The following ALG5 variants were observed in gnomAD, a reference collection of about 807,000 sequenced individuals.
The protein encoded by ALG5 is ALG5 dolichyl-phosphate beta-glucosyltransferase, also known as dolichyl-phosphate beta-glucosyltransferase.
A neutral mutation model predicts 51.8 loss-of-function variants in ALG5; 26 were observed. The ratio of observed to expected loss-of-function variants is 0.50; its 90% CI spans 0.37 to 0.70. ALG5 has a LOEUF of 0.70. ALG5 is among the 30% of genes least tolerant of loss of function. The pLI is 0.00. For missense variants in ALG5, 311 were observed against 399.3 expected (o/e 0.78, Z 1.88); for synonymous variants, 141 against 136.1 (o/e 1.04, Z -0.25).
At chr13:36,990,673 G>C (rs1455946275) in intron 4 of ALG5, among the ~76,000 whole-genome samples, 1 of 152,170 alleles carries the variant, frequency 6.6e-6, no homozygotes. Flanking sequence ...AAAAACTCCA[G>C]AATTTCATTC....
At chr13:36,966,680 A>G (rs955017516) in intron 7 of ALG5, among the ~76,000 whole-genome samples, 3 of 152,032 alleles carry the variant, frequency 2.0e-5, no homozygotes, top group Non-Finnish European at 4.4e-5. Context: ...CAGCTTCTTT[A>G]AGACACGATC....
At chr13:36,972,162 A>C (rs2058927058) in intron 6 of ALG5, 126 bp from the exon 7 acceptor site, 1 of 794,776 alleles carries the variant, frequency 1.3e-6, no homozygotes, top group Non-Finnish European at 1.9e-6. Flanking sequence ...AATCTTTTAA[A>C]GGTTTATTGA....
At chr13:36,954,751 C>T (rs1385075521) in intron 8 of ALG5, among the ~76,000 whole-genome samples, 2 of 152,146 alleles carry the variant, frequency 1.3e-5, no homozygotes, top group African/African-American at 4.8e-5. Flanking sequence ...TCTTTTCTTA[C>T]TCAGTTCCTG....
chr13:36,984,400 TTTTTC>T (rs756468476), intron 6 of ALG5, among the ~76,000 whole-genome samples: 20 of 152,252 alleles, frequency 1.3e-4, no homozygotes, highest in Non-Finnish European at 2.8e-4. Flanking sequence ...TGGCCTGTAA[TTTTTC>T]TTTTAATACC....
chr13:36,992,176 A>G (rs1286445457), intron 4 of ALG5, among the ~76,000 whole-genome samples: 1 of 152,202 alleles, frequency 6.6e-6, no homozygotes, highest in Non-Finnish European at 1.5e-5. Flanking sequence ...ATTGATAAAA[A>G]TGTCTAACAC....
chr13:36,956,545 C>T (rs547484210), intron 8 of ALG5, among the ~76,000 whole-genome samples: 29 of 152,210 alleles, frequency 1.9e-4, no homozygotes, highest in Non-Finnish European at 3.7e-4. Context: ...CACTGCAGCG[C>T]TGTTCACAAC....
intron 9 of ALG5, among the ~76,000 whole-genome samples, chr13:36,952,017 C>T (rs2058820199): frequency 6.6e-6 from 1 of 152,128 alleles, no homozygotes; most frequent in Admixed American, 6.5e-5. Flanking sequence ...GAACTCCTGA[C>T]CTTAGGTGAT....
Position 36,952,680 on chromosome 13 carries a change from A to G in ALG5, c.774-81T>C, listed in dbSNP as rs558287263. ...ATCTCTACCTTGGCATGTTTTAAAG[A>G]AGCTTACATGGCAGATATAAAGCTT... On this transcript the variant is annotated intron_variant, in intron 8 of 9. Coordinates refer to ENST00000239891, the MANE Select transcript of ALG5 (RefSeq NM_013338.5). The G allele has an allele frequency of 1.2e-5, 9 of 771,678 alleles. No individual in the cohort carries two copies. In the African/African-American group the frequency reaches 1.3e-4, roughly 11 times the overall value. 47.8% of individuals were successfully genotyped at this position (771,678 alleles called of 1,614,324 possible).
At chr13:36,969,457 C>A (rs1223810201) in intron 7 of ALG5, among the ~76,000 whole-genome samples, 3 of 150,742 alleles carry the variant, frequency 2.0e-5, no homozygotes, top group African/African-American at 7.3e-5. Context: ...CTTAAAAAAC[C>A]ATTAAATTAG....
At chr13:36,988,357 T>A (rs555660172) in intron 5 of ALG5, among the ~76,000 whole-genome samples, 1 of 152,336 alleles carries the variant, frequency 6.6e-6, no homozygotes, top group South Asian at 2.1e-4. Context: ...TGACACTGCA[T>A]CAATCCTACT....
intron 9 of ALG5, 23 bp from the exon 10 acceptor site, chr13:36,950,080 A>C (rs1418518580): frequency 1.4e-6 from 2 of 1,435,430 alleles, no homozygotes; most frequent in Admixed American, 1.8e-5. Flanking sequence ...AATAATTAAA[A>C]ACAAATTAGC....
intron 8 of ALG5, among the ~76,000 whole-genome samples, chr13:36,954,636 T>C (rs1419009930): frequency 6.6e-6 from 1 of 152,218 alleles, no homozygotes; most frequent in African/African-American, 2.4e-5. Flanking sequence ...AGTACTTCTA[T>C]ACAGAGCCTT....
At chr13:36,968,066 A>G in intron 7 of ALG5, 1 of 183,874 alleles carries the variant, frequency 5.4e-6, no homozygotes, top group Non-Finnish European at 1.2e-5. Flanking sequence ...TTTGATTTCT[A>G]ACATATTTAA....
In ALG5 at chr13:36,994,985, A is replaced by G; in HGVS notation, c.285+4T>C. ...ATATCATATTAAAAGAGAAAACATG[A>G]TACCTGTCTCTTCTCTAGATAGCTC... On this transcript the variant is annotated splice_donor_region_variant and intron_variant, in intron 3 of 9. Transcript: ENST00000239891. 11 of 1,611,782 alleles carry G rather than the reference A, an allele frequency of 6.8e-6. No homozygotes were observed. The highest frequency in any genetic ancestry group is 9.3e-6 in the Non-Finnish European group (11 of 1,178,616).
At position 36,980,107 on chromosome 13, in the gene ALG5, G is replaced by T. The variant is rs377181614; in HGVS notation, c.561+5520C>A. Among the ~76,000 whole-genome samples, 122 of 152,172 alleles carry T rather than the reference G, an allele frequency of 8.0e-4. 1 individual carries two copies. The highest frequency in any genetic ancestry group is 2.9e-3 in the African/African-American group (119 of 41,512). On this transcript the variant is annotated intron_variant, in intron 6 of 9. Coordinates refer to ENST00000239891, the MANE Select transcript of ALG5 (RefSeq NM_013338.5). ...AAACCTAAGTCACAGCCTGAGAAAT[G>T]ACTCTATGATCATGAAATACACACT...
Position 36,995,456 on chromosome 13 carries a change from G to A in ALG5, c.207C>T (p.Val69=), listed in dbSNP as rs778843391. The change falls in exon 2 of 10, where the codon GTC becomes GTT. Residue 69 remains valine (V), a synonymous_variant. Transcript: ENST00000239891. Reference sequence around the variant, plus strand: ...TTTCTTCATTGTATGAAGGCACAACGACAGAAAGTTGTTTGGTAGGTGAGT... The same window carrying A: ...TTTCTTCATTGTATGAAGGCACAACAACAGAAAGTTGTTTGGTAGGTGAGT... ...IWDSPTKQLS[V]VVPSYNEEKR... 7 of 1,612,496 alleles carry A rather than the reference G, an allele frequency of 4.3e-6. No homozygotes were observed. Among genetic ancestry groups the A allele is most frequent in the East Asian group, 2.2e-5 (1 of 44,842 alleles).
rs2058961299 is a variant in ALG5, at chr13:36,977,954, TC to T, written c.562-5919del. 3.3e-5 allele frequency among the ~76,000 whole-genome samples: 5 copies of T among 150,248 alleles called. No individual in the cohort carries two copies. The South Asian group carries it at 1.1e-3, about 32-fold the overall frequency. On this transcript the variant is annotated intron_variant, in intron 6 of 9. Transcript: ENST00000239891. ...CAGGCTGGAGTACAGTGGCAAGATC[TC>T]GGCTCATTGCAACAACCACTTCCTG...
intron 3 of ALG5, among the ~76,000 whole-genome samples, chr13:36,994,159 T>C (rs1056514469): frequency 3.2e-4 from 48 of 152,202 alleles, no homozygotes; most frequent in African/African-American, 1.1e-3. Flanking sequence ...TTACACGTAA[T>C]TGAAGAGGTA....
At chr13:36,999,145 GGT>G (rs2059070501) in intron 1 of ALG5, 88 bp downstream of exon 1, 1 of 1,233,196 alleles carries the variant, frequency 8.1e-7, no homozygotes, top group African/African-American at 1.6e-5. Flanking sequence ...TCCGAGAACT[GGT>G]AGCGCGGAGG....
Sources: allele counts gnomAD v4.1 joint callset (sites outside exome capture counted in the v4.1 genomes callset), GRCh38; gene constraint gnomAD v4.1.1; transcripts MANE v1.5; gene names NCBI Gene and HGNC (gene_info 2026-07-23, HGNC 2026-07-21).